The following LEKR1 variants were observed in gnomAD, a reference collection of about 807,000 sequenced individuals.
LEKR1 encodes the protein protein LEKR1.
Under a neutral mutation model 72.4 loss-of-function variants are expected in LEKR1, and 59 were observed. The observed-to-expected ratio is 0.82, with a 90% confidence interval of 0.66 to 1.01. The LOEUF is 1.01. Ranked by LOEUF, LEKR1 falls within the 50% of genes least tolerant of loss-of-function variation. The pLI, the probability that LEKR1 is intolerant of heterozygous loss-of-function variation, is 0.00. For synonymous variants in LEKR1, 257 were observed against 263.2 expected (o/e 0.98, Z 0.23); for missense variants, 728 against 759.2 (o/e 0.96, Z 0.48).
At chr3:157,003,224 T>C (rs1732146878) in intron 9 of LEKR1, among the ~76,000 whole-genome samples, 1 of 152,202 alleles carries the variant, frequency 6.6e-6, no homozygotes, top group Non-Finnish European at 1.5e-5. Context: ...ATCCTGGCAT[T>C]TTGAAAACCA....
At chr3:156,981,323 CA>C (rs1730180947) in intron 7 of LEKR1, among the ~76,000 whole-genome samples, 1 of 152,120 alleles carries the variant, frequency 6.6e-6, no homozygotes, top group Admixed American at 6.6e-5. Context: ...ATAATTTTAA[CA>C]TAACTTGTGC....
intron 12 of LEKR1, among the ~76,000 whole-genome samples, chr3:157,037,586 T>A (rs1165364888): frequency 6.6e-6 from 1 of 152,184 alleles, no homozygotes; most frequent in Admixed American, 6.5e-5. Context: ...ACACTTCTGT[T>A]TATTCCCCAA....
intron 10 of LEKR1, among the ~76,000 whole-genome samples, chr3:157,013,905 T>C (rs1306860712): frequency 7.2e-5 from 11 of 152,104 alleles, no homozygotes; most frequent in African/African-American, 2.7e-4. Flanking sequence ...AAAAAGTAGA[T>C]AGCAATTTGT....
At chr3:157,014,086 C>T (rs941250550) in intron 10 of LEKR1, among the ~76,000 whole-genome samples, 1 of 152,010 alleles carries the variant, frequency 6.6e-6, no homozygotes, top group East Asian at 1.9e-4. Context: ...GGATGCTGAA[C>T]CTTTAAAATT....
chr3:157,025,290 T>C (rs1734105779), intron 11 of LEKR1, among the ~76,000 whole-genome samples: 2 of 152,204 alleles, frequency 1.3e-5, no homozygotes, highest in African/African-American at 4.8e-5. Context: ...CACTAAAGCA[T>C]ATACCCTTTA....
At chr3:156,969,703 G>A (rs370032640) in intron 6 of LEKR1, among the ~76,000 whole-genome samples, 2 of 152,164 alleles carry the variant, frequency 1.3e-5, no homozygotes, top group Non-Finnish European at 2.9e-5. Context: ...ACAAGGAGGA[G>A]CTGGTACCAT....
At chr3:156,833,161 T>A (rs1256598150) in intron 2 of LEKR1, among the ~76,000 whole-genome samples, 1 of 152,246 alleles carries the variant, frequency 6.6e-6, no homozygotes, top group East Asian at 1.9e-4. Context: ...CAAATAGTCA[T>A]AGAAAGATTA....
At chr3:156,997,441 A>G (rs889190245) in intron 9 of LEKR1, among the ~76,000 whole-genome samples, 1 of 152,214 alleles carries the variant, frequency 6.6e-6, no homozygotes, top group African/African-American at 2.4e-5. Flanking sequence ...CTCAGGAAAC[A>G]CTTTTAATAT....
intron 6 of LEKR1, among the ~76,000 whole-genome samples, chr3:156,970,102 G>T (rs1041941662): frequency 6.6e-6 from 1 of 152,162 alleles, no homozygotes; most frequent in East Asian, 1.9e-4. Context: ...CAATAAATTA[G>T]GTATTGATGG....
chr3:157,000,994 A>G (rs1443639114), intron 9 of LEKR1, among the ~76,000 whole-genome samples: 2 of 152,126 alleles, frequency 1.3e-5, no homozygotes, highest in Non-Finnish European at 2.9e-5. Flanking sequence ...TTCCTGCTAC[A>G]TTGTAAAGAA....
intron 2 of LEKR1, among the ~76,000 whole-genome samples, chr3:156,836,925 C>A (rs1713221612): frequency 6.6e-6 from 1 of 152,182 alleles, no homozygotes; most frequent in Non-Finnish European, 1.5e-5. Flanking sequence ...GGGCAGCTGC[C>A]ATTAGTCTTC....
intron 3 of LEKR1, among the ~76,000 whole-genome samples, chr3:156,914,406 A>G (rs78422388): frequency 6.6e-5 from 10 of 152,110 alleles, no homozygotes; most frequent in East Asian, 5.8e-4. Context: ...GAGTGAGAAC[A>G]TGAGGTGTTT....
chr3:156,981,689 C>G (rs1311357854), intron 7 of LEKR1, among the ~76,000 whole-genome samples: 2 of 152,200 alleles, frequency 1.3e-5, no homozygotes, highest in Non-Finnish European at 2.9e-5. Context: ...AGGATCAAAG[C>G]CTGGGACTGC....
chr3:157,011,335 C>A, intron 9 of LEKR1, 78 bp from the exon 10 acceptor site: 1 of 942,828 alleles, frequency 1.1e-6, no homozygotes, highest in Non-Finnish European at 1.7e-6. Context: ...GAAGTAATAT[C>A]TCCCGACCCA....
intron 3 of LEKR1, among the ~76,000 whole-genome samples, chr3:156,853,664 T>A (rs1481902505): frequency 6.6e-6 from 1 of 152,118 alleles, no homozygotes; most frequent in Non-Finnish European, 1.5e-5. Context: ...GGAAACTTGC[T>A]TAAGTCTCTT....
chr3:156,863,223 C>A (rs983831286), intron 3 of LEKR1, among the ~76,000 whole-genome samples: 1 of 152,028 alleles, frequency 6.6e-6, no homozygotes, highest in Admixed American at 6.6e-5. Context: ...TAATTAGGCT[C>A]TGGTGAGAAC....
At position 156,909,635 on chromosome 3, in the gene LEKR1, G is replaced by A. The variant is rs188485607; in HGVS notation, c.264-10940G>A. ...CACTGCACTCCAGCCTGGGAGAGGC[G>A]ACAGAGTGAGAGTCTGTCTCAAAAA... On this transcript the variant is annotated intron_variant, in intron 3 of 12. Coordinates refer to ENST00000356539, the MANE Select transcript of LEKR1 (RefSeq NM_001004316.3). Among the ~76,000 whole-genome samples the A allele has an allele frequency of 2.3e-3, 309 of 132,076 alleles. 1 individual carries two copies. The highest frequency in any genetic ancestry group is 3.7e-3 in the Non-Finnish European group (240 of 64,792). 86.6% of individuals were successfully genotyped at this position (132,076 alleles called of 152,430 possible). A position where few individuals can be genotyped will look rare whatever the true frequency, so the allele number is the denominator to read the frequency against.
intron 12 of LEKR1, among the ~76,000 whole-genome samples, chr3:157,039,549 G>A (rs911067082): frequency 2.6e-5 from 4 of 152,188 alleles, no homozygotes; most frequent in African/African-American, 7.2e-5. Flanking sequence ...AGCCTCGGGG[G>A]TTGAGGCTAT....
At chr3:156,878,143 T>C (rs970792409) in intron 3 of LEKR1, among the ~76,000 whole-genome samples, 1 of 152,148 alleles carries the variant, frequency 6.6e-6, no homozygotes, top group African/African-American at 2.4e-5. Flanking sequence ...TTCTGATCTT[T>C]GTTATTTCTT....
Sources: allele counts gnomAD v4.1 joint callset (sites outside exome capture counted in the v4.1 genomes callset), GRCh38; gene constraint gnomAD v4.1.1; transcripts MANE v1.5; gene names NCBI Gene and HGNC (gene_info 2026-07-23, HGNC 2026-07-21).